NOS1: variants seen among roughly 807,000 people sequenced by gnomAD.
NOS1 encodes NOS type I.
Under a neutral mutation model 164.5 loss-of-function variants are expected in NOS1, and 51 were observed. That is an observed-to-expected ratio of 0.31 (90% CI 0.25 to 0.39). The LOEUF is 0.39. Among genes scored for constraint, NOS1 ranks in the 10% least tolerant of loss-of-function variants. NOS1 has a pLI of 1.00. For missense variants in NOS1, 1,362 were observed against 1,885.6 expected (o/e 0.72, Z 5.14); for synonymous variants, 719 against 745.8 (o/e 0.96, Z 0.59).
Position 117,243,732 on chromosome 12 carries a change from CT to C in NOS1, c.2824-298del, listed in dbSNP as rs1566036408. On this transcript the variant is annotated intron_variant, in intron 18 of 28. Transcript: ENST00000317775. This position sits in a 1 kb window ranked among gnomAD's most constrained non-coding sequence, Gnocchi z 4.3. ...TCCACCCTCCCATCCATGTATCTAT[CT>C]TTCCATCCATCCATCCATCCACCCA... Among the ~76,000 whole-genome samples the C allele has an allele frequency of 6.6e-6, 1 of 151,944 alleles. No homozygotes were observed. Among genetic ancestry groups the C allele is most frequent in the Non-Finnish European group, 1.5e-5 (1 of 67,972 alleles).
intron 20 of NOS1, among the ~76,000 whole-genome samples, chr12:117,238,345 G>A (rs944203359): frequency 1.3e-5 from 2 of 152,102 alleles, no homozygotes; most frequent in African/African-American, 2.4e-5. Flanking sequence ...CCAGTTTTTC[G>A]CGCCCTATGC....
At chr12:117,283,752 AG>A (rs1873876535) in intron 7 of NOS1, among the ~76,000 whole-genome samples, 1 of 148,322 alleles carries the variant, frequency 6.7e-6, no homozygotes, top group African/African-American at 2.5e-5. Context: ...GATACTCGGG[AG>A]GCTGAGGCAG....
At chr12:117,219,697 G>C (rs1956670155) in intron 27 of NOS1, among the ~76,000 whole-genome samples, 1 of 152,106 alleles carries the variant, frequency 6.6e-6, no homozygotes, top group South Asian at 2.1e-4. Flanking sequence ...AGTATATAGA[G>C]GGCTCCACAG....
In NOS1 at chr12:117,260,587, G is replaced by A. The variant is rs1183856281; in HGVS notation, c.2245C>T (p.Leu749=). The change falls in exon 14 of 29, where the codon CTG becomes TTG. Residue 749 remains leucine, a synonymous_variant. Coordinates refer to ENST00000317775, the MANE Select transcript of NOS1 (RefSeq NM_000620.5). Reference sequence around the variant, plus strand: ...CTCTTGGCCATAGCCTGCCCCATCAGCTTGGCCGAGAACTTGACAGCTCTG... The same window carrying A: ...CTCTTGGCCATAGCCTGCCCCATCAACTTGGCCGAGAACTTGACAGCTCTG... The part of the protein sequence containing the change: ...LAEAVKFSAK[L]MGQAMAKRVK... 3 of 1,613,794 alleles carry A rather than the reference G, an allele frequency of 1.9e-6. No homozygotes were observed. In the African/African-American group the frequency reaches 4.0e-5, roughly 22 times the overall value.
intron 2 of NOS1, among the ~76,000 whole-genome samples, chr12:117,323,965 T>C (rs1324384350): frequency 6.6e-6 from 1 of 151,552 alleles, no homozygotes; most frequent in East Asian, 1.9e-4. Context: ...TTTTTTTTTA[T>C]ATTTAGCAGA....
chr12:117,304,379 G>C (rs1186674663), intron 3 of NOS1, among the ~76,000 whole-genome samples: 1 of 152,082 alleles, frequency 6.6e-6, no homozygotes, highest in Non-Finnish European at 1.5e-5. Context: ...TCACTTCTTG[G>C]GGTAAACCTT....
At chr12:117,278,186 G>A (rs2136006329) in intron 8 of NOS1, 88 bp from the exon 9 acceptor site, 3 of 1,420,514 alleles carry the variant, frequency 2.1e-6, no homozygotes, top group East Asian at 2.5e-5. Context: ...GGGGTGGATA[G>A]AGATCCAAAT....
chr12:117,245,152 T>A (rs73401878), intron 18 of NOS1, among the ~76,000 whole-genome samples: 1,653 of 152,338 alleles, frequency 0.011, 31 homozygotes, highest in African/African-American at 0.038. Context: ...TACCTGCATT[T>A]GCTTTCAGGA....
At position 117,209,778 on chromosome 12, in the gene NOS1, G is replaced by T; in HGVS notation, c.*5531C>A. The stretch of plus-strand genomic sequence containing the variant: ...GGGGAAGGGCAGCTTTTCTTTTGGG[G>T]CCCCTTTGCCACAAGGCAGGGACTG... On this transcript the variant is annotated 3_prime_UTR_variant, in exon 29 of 29. Coordinates refer to ENST00000317775, the MANE Select transcript of NOS1 (RefSeq NM_000620.5). 4.1e-6 allele frequency: 4 copies of T among 985,470 alleles called. No homozygotes were observed. Among genetic ancestry groups the T allele is most frequent in the Non-Finnish European group, 4.8e-6 (4 of 829,964 alleles). 61.0% of individuals were successfully genotyped at this position (985,470 alleles called of 1,614,324 possible).
chr12:117,255,979 T>C, intron 16 of NOS1: 1 of 1,485,322 alleles, frequency 6.7e-7, no homozygotes, highest in Non-Finnish European at 8.9e-7. Flanking sequence ...TGGACTTCTG[T>C]GTCACCATTG....
chr12:117,210,236 C>T lies in NOS1; in HGVS notation c.*5073G>A. 3.1e-6 allele frequency: 3 copies of T among 953,578 alleles called. No individual in the cohort carries two copies. The highest frequency in any genetic ancestry group is 3.7e-6 in the Non-Finnish European group (3 of 801,356). The allele number at this position is 953,578 out of a possible 1,614,324, so 59.1% of individuals were successfully genotyped here. A position where few individuals can be genotyped will look rare whatever the true frequency, so the allele number is the denominator to read the frequency against. On this transcript the variant is annotated 3_prime_UTR_variant, in exon 29 of 29. Transcript: ENST00000317775. The stretch of plus-strand genomic sequence containing the variant: ...CCCCAAGTGATCCTCCCACCTCAGT[C>T]TCCCAAAGTGCTATTACAGGCATGA...
At chr12:117,249,425 A>G (rs551169853) in intron 17 of NOS1, among the ~76,000 whole-genome samples, 3 of 152,336 alleles carry the variant, frequency 2.0e-5, no homozygotes, top group East Asian at 1.9e-4. Flanking sequence ...AGCTGGACCA[A>G]TTGGGGAAAT....
chr12:117,265,504 T>C lies in NOS1; in HGVS notation c.1948A>G (p.Lys650Glu). The change falls in exon 12 of 29, where the codon AAA becomes GAA. Residue 650 changes from lysine (K) to glutamate (E), a missense_variant. Physicochemically the swap from Lys to Glu is moderately conservative, Grantham distance 56. Around this residue, in one of 4 missense-constraint regions of NOS1, gnomAD observed 737 missense variants for 1,030.3 expected, o/e 0.72. Transcript: ENST00000317775. ...GAGTGATGGTCAACAATGGTCACTT[T>C]GTCACTCTGTGGGAGGAGAGGGGAC... ...IAVLYSFQSD[K>E]VTIVDHHSAT... 1.3e-6 allele frequency: 2 copies of C among 1,537,196 alleles called. No individual in the cohort carries two copies. Among genetic ancestry groups the C allele is most frequent in the Non-Finnish European group, 1.8e-6 (2 of 1,137,528 alleles).
At chr12:117,215,821 T>C (rs1028307765) in intron 28 of NOS1, among the ~76,000 whole-genome samples, 8 of 151,314 alleles carry the variant, frequency 5.3e-5, no homozygotes, top group African/African-American at 1.7e-4. Flanking sequence ...AATGAATGAA[T>C]GAATGCTCAC....
chr12:117,263,272 G>A (rs1360933774), intron 13 of NOS1, among the ~76,000 whole-genome samples: 1 of 152,042 alleles, frequency 6.6e-6, no homozygotes, highest in Non-Finnish European at 1.5e-5. Flanking sequence ...AGCCCTGAAC[G>A]AGGGTGCTCT....
At chr12:117,333,670 G>A (rs778933377) in intron 1 of NOS1, among the ~76,000 whole-genome samples, 4 of 152,196 alleles carry the variant, frequency 2.6e-5, no homozygotes, top group South Asian at 2.1e-4. Context: ...TCCATCTGGC[G>A]TTGCTCTGTG....
intron 7 of NOS1, among the ~76,000 whole-genome samples, chr12:117,284,295 G>A (rs1873925838): frequency 6.6e-6 from 1 of 152,218 alleles, no homozygotes; most frequent in South Asian, 2.1e-4. Flanking sequence ...GTCAACAAGT[G>A]TAGCCGGCTG....
intron 14 of NOS1, among the ~76,000 whole-genome samples, chr12:117,260,219 T>C (rs1871795385): frequency 6.6e-6 from 1 of 151,832 alleles, no homozygotes; most frequent in Non-Finnish European, 1.5e-5. Context: ...CTCAGAATGG[T>C]TTCTTATAAA....
At chr12:117,323,748 T>C (rs1011597197) in intron 2 of NOS1, among the ~76,000 whole-genome samples, 3 of 152,158 alleles carry the variant, frequency 2.0e-5, no homozygotes, top group Non-Finnish European at 4.4e-5. Context: ...CCTCCAGCCA[T>C]ATTCTCTTGC....
Sources: allele counts gnomAD v4.1 joint callset (sites outside exome capture counted in the v4.1 genomes callset), GRCh38; gene constraint gnomAD v4.1.1; regional missense constraint gnomAD v4.1.1; non-coding constraint Gnocchi (gnomAD v3.1); transcripts MANE v1.5; gene names NCBI Gene and HGNC (gene_info 2026-07-23, HGNC 2026-07-21).